ZBTB7C: variants seen among roughly 807,000 people sequenced by gnomAD.
The protein encoded by ZBTB7C is zinc finger and BTB domain containing 7C, also known as zinc finger and BTB domain-containing protein 7C.
ZBTB7C carries 8 observed loss-of-function variants against 25.7 expected under a neutral mutation model. That is an observed-to-expected ratio of 0.31 (90% CI 0.18 to 0.56). ZBTB7C has a LOEUF of 0.56. ZBTB7C is among the 20% of genes least tolerant of loss of function. The pLI is 0.91. For synonymous variants in ZBTB7C, 394 were observed against 369.0 expected, an observed-to-expected ratio of 1.07 and a Z score of -0.78; for missense variants, 824 against 855.2, an observed-to-expected ratio of 0.96 and a Z score of 0.46.
chr18:48,054,221 C>G (rs1460942076), intron 3 of ZBTB7C, among the ~76,000 whole-genome samples: 1 of 152,110 alleles, frequency 6.6e-6, no homozygotes, highest in Non-Finnish European at 1.5e-5. Context: ...AGAAGAATCT[C>G]TTGGCGCTGT....
chr18:48,203,118 C>T (rs559365673), intron 2 of ZBTB7C, among the ~76,000 whole-genome samples: 12 of 152,304 alleles, frequency 7.9e-5, no homozygotes, highest in Admixed American at 3.9e-4. Flanking sequence ...AGATGCCTAG[C>T]TTTGGTGCCT....
chr18:48,275,979 G>A (rs1568346193), intron 2 of ZBTB7C, among the ~76,000 whole-genome samples: 1 of 152,190 alleles, frequency 6.6e-6, no homozygotes, highest in Non-Finnish European at 1.5e-5. Flanking sequence ...TGGGATCCTG[G>A]AAATGGACTC....
chr18:48,243,390 GA>G (rs2043587204), intron 2 of ZBTB7C, among the ~76,000 whole-genome samples: 1 of 151,266 alleles, frequency 6.6e-6, no homozygotes, highest in African/African-American at 2.4e-5. Context: ...ACCAAGTTGA[GA>G]ATCAAATCAA....
At chr18:48,171,336 C>A (rs1420741480) in intron 3 of ZBTB7C, among the ~76,000 whole-genome samples, 1 of 152,238 alleles carries the variant, frequency 6.6e-6, no homozygotes, top group African/African-American at 2.4e-5. Context: ...GGGCATGCCA[C>A]ACTGGGCACT....
chr18:48,341,453 C>T (rs1055870643), intron 1 of ZBTB7C, among the ~76,000 whole-genome samples: 1 of 152,230 alleles, frequency 6.6e-6, no homozygotes, highest in Non-Finnish European at 1.5e-5. Context: ...CTTCAGTCCC[C>T]AGGGAAGACC....
intron 3 of ZBTB7C, among the ~76,000 whole-genome samples, chr18:48,043,644 T>G (rs570511730): frequency 6.6e-6 from 1 of 152,302 alleles, no homozygotes; most frequent in South Asian, 2.1e-4. Flanking sequence ...ATACTTGTGA[T>G]GGAAATGTTC....
intron 4 of ZBTB7C, among the ~76,000 whole-genome samples, chr18:48,034,601 C>T (rs550422060): frequency 3.9e-5 from 6 of 152,138 alleles, no homozygotes; most frequent in Non-Finnish European, 8.8e-5. Flanking sequence ...GATGCTCTTT[C>T]GTACTCTGCA....
intron 2 of ZBTB7C, among the ~76,000 whole-genome samples, chr18:48,274,105 C>T (rs1347748511): frequency 6.6e-6 from 1 of 152,170 alleles, no homozygotes; most frequent in Non-Finnish European, 1.5e-5. Flanking sequence ...AGCAAAGTAT[C>T]AGATGCTTTT....
chr18:48,330,282 C>T lies in ZBTB7C; in HGVS notation c.-79+7892G>A, dbSNP rs115397893. On this transcript the variant is annotated intron_variant, in intron 2 of 4. Transcript: ENST00000590800. ...CTTGTTGAGGTCTCCACCACAGTGC[C>T]ATCCTTTTCTAGGGCCTTCTCTTTA... Among the ~76,000 whole-genome samples the T allele has an allele frequency of 1.2e-4, 19 of 152,286 alleles. 1 individual carries two copies. Among genetic ancestry groups the T allele is most frequent in the African/African-American group, 4.3e-4 (18 of 41,552 alleles).
In ZBTB7C at chr18:48,278,379, T is replaced by C. The variant is rs191743611; in HGVS notation, c.-79+59795A>G. 3.9e-5 allele frequency among the ~76,000 whole-genome samples: 6 copies of C among 152,020 alleles called. No individual in the cohort carries two copies. In the East Asian group the frequency reaches 9.7e-4, roughly 25 times the overall value. ...CCATCTTGGATCGTCTATCCCCAGT[T>C]GAGTAACCCAAGTAGAAGAGAGAAA... On this transcript the variant is annotated intron_variant, in intron 2 of 4. Coordinates refer to ENST00000590800, the MANE Select transcript of ZBTB7C (RefSeq NM_001318841.2).
chr18:48,080,824 T>C (rs964728502), intron 3 of ZBTB7C, among the ~76,000 whole-genome samples: 5 of 152,140 alleles, frequency 3.3e-5, no homozygotes, highest in Non-Finnish European at 7.4e-5. Flanking sequence ...GAGCCCCAGG[T>C]TTCCCCTGGG....
chr18:48,344,311 T>C (rs2046675398), intron 1 of ZBTB7C, among the ~76,000 whole-genome samples: 1 of 152,208 alleles, frequency 6.6e-6, no homozygotes, highest in Admixed American at 6.5e-5. Context: ...TCAGTGCTTG[T>C]CAAACTTCTA....
chr18:48,131,878 T>C (rs993565495), intron 3 of ZBTB7C, among the ~76,000 whole-genome samples: 3 of 152,172 alleles, frequency 2.0e-5, no homozygotes, highest in African/African-American at 7.2e-5. Context: ...AAAAAGGCCA[T>C]ATTATCAACA....
chr18:48,040,971 C>T lies in ZBTB7C; in HGVS notation c.137G>A (p.Arg46Gln), dbSNP rs998077708. ...GGCAGCCAGGACGGAGCGGTGGGTC[C>T]GATACTCCTGCTCCTGCACCACCAG... ...VLLVVQEQEY[R>Q]THRSVLAACS... Residue 46 changes from arginine to glutamine, a missense_variant, in exon 4 of 5, where the codon CGG (arginine) becomes CAG (glutamine). Physicochemically the swap from Arg to Gln is conservative, Grantham distance 43. Coordinates refer to ENST00000590800, the MANE Select transcript of ZBTB7C (RefSeq NM_001318841.2). 1.5e-5 allele frequency: 25 copies of T among 1,614,010 alleles called. No individual in the cohort carries two copies. Among genetic ancestry groups the T allele is most frequent in the African/African-American group, 2.7e-5 (2 of 74,920 alleles).
intron 4 of ZBTB7C, among the ~76,000 whole-genome samples, chr18:48,039,292 C>T: frequency 6.6e-6 from 1 of 152,194 alleles, no homozygotes; most frequent in East Asian, 1.9e-4. Context: ...TGGTCACCGG[C>T]TTTGCTATTA....
At chr18:48,274,160 A>G (rs1296976405) in intron 2 of ZBTB7C, among the ~76,000 whole-genome samples, 1 of 152,218 alleles carries the variant, frequency 6.6e-6, no homozygotes, top group Non-Finnish European at 1.5e-5. Context: ...TGGGCCAAGC[A>G]CTAGTCTTTT....
intron 2 of ZBTB7C, among the ~76,000 whole-genome samples, chr18:48,331,573 C>T (rs748989936): frequency 2.2e-4 from 33 of 152,196 alleles, no homozygotes; most frequent in Admixed American, 1.4e-3. Context: ...AGCCCATCCC[C>T]GTCCAAGAGG....
rs554499466 is a variant in ZBTB7C, at chr18:48,180,285, C to A, written c.-17+5649G>T. On this transcript the variant is annotated intron_variant, in intron 3 of 4. Transcript: ENST00000590800. Reference sequence around the variant, plus strand: ...GAGCAATCCTAAATTCAATATTAATCTCCCTAGACCTTCTTGTTGATAAAT... The same window carrying A: ...GAGCAATCCTAAATTCAATATTAATATCCCTAGACCTTCTTGTTGATAAAT... 3.8e-4 allele frequency: 168 copies of A among 446,466 alleles called. 1 individual carries two copies. The highest frequency in any genetic ancestry group is 1.9e-3 in the South Asian group (122 of 62,658). The allele number at this position is 446,466 out of a possible 1,614,324, so 27.7% of individuals were successfully genotyped here. A position where few individuals can be genotyped will look rare whatever the true frequency, so the allele number is the denominator to read the frequency against.
chr18:48,336,885 C>A (rs555038958), intron 2 of ZBTB7C, among the ~76,000 whole-genome samples: 246 of 152,262 alleles, frequency 1.6e-3, no homozygotes, highest in Non-Finnish European at 2.9e-3. Context: ...AGGGCCAGTA[C>A]ATACAGGTCA....
Sources: allele counts gnomAD v4.1 joint callset (sites outside exome capture counted in the v4.1 genomes callset), GRCh38; gene constraint gnomAD v4.1.1; transcripts MANE v1.5; gene names NCBI Gene and HGNC (gene_info 2026-07-23, HGNC 2026-07-21).